Variants in SP7 observed in about 807,000 individuals in gnomAD.
SP7 encodes Sp7 transcription factor.
SP7 carries 13 observed loss-of-function variants against 27.9 expected under a neutral mutation model. The ratio of observed to expected loss-of-function variants is 0.47; its 90% confidence interval spans 0.30 to 0.74. The LOEUF (loss-of-function observed/expected upper bound fraction) is 0.74, where lower values mean the gene tolerates loss of function less well. Ranked by LOEUF, SP7 falls within the 30% of genes least tolerant of loss-of-function variation. The pLI is 0.06. For missense variants in SP7, 525 were observed against 558.0 expected (o/e 0.94, Z 0.60); for synonymous variants, 219 against 226.7 (o/e 0.97, Z 0.31).
intron 1 of SP7, among the ~76,000 whole-genome samples, chr12:53,341,418 G>A (rs932912406): frequency 6.6e-6 from 1 of 152,224 alleles, no homozygotes; most frequent in African/African-American, 2.4e-5. Flanking sequence ...ACTGGGGTCT[G>A]ATTCTGAAAC....
upstream of SP7, among the ~76,000 whole-genome samples, chr12:53,339,071 A>T (rs1284036969): frequency 2.6e-5 from 4 of 152,060 alleles, no homozygotes; most frequent in South Asian, 4.1e-4. Flanking sequence ...GAGAGGCGCC[A>T]TGTGGCAGGG....
intron 1 of SP7, 199 bp from the exon 2 acceptor site, chr12:53,335,892 G>C (rs1029862008): frequency 7.9e-7 from 1 of 1,265,694 alleles, no homozygotes; most frequent in Non-Finnish European, 1.0e-6. Flanking sequence ...GGGAGGCAGA[G>C]GGTCCAAATT....
At chr12:53,340,856 A>G (rs1944816496), upstream of SP7, among the ~76,000 whole-genome samples, 1 of 152,202 alleles carries the variant, frequency 6.6e-6, no homozygotes, top group African/African-American at 2.4e-5. Context: ...AGGATCAGCT[A>G]CTAGTCTGTT....
chr12:53,339,479 G>A (rs1014680962), upstream of SP7, among the ~76,000 whole-genome samples: 15 of 150,286 alleles, frequency 1.0e-4, no homozygotes, highest in African/African-American at 3.2e-4. Context: ...TAATCCCAGC[G>A]CTTTGGGAGG....
Position 53,330,315 on chromosome 12 carries a change from A to G in SP7, c.22-895T>C, listed in dbSNP as rs140444532. ...AAAACTCCTGACCTCAACCTCCCAA[A>G]GTGTTGAGATTACAGGTGTGAGCCA... On this transcript the variant is annotated intron_variant, in intron 2 of 2. Transcript: ENST00000536324. Among the ~76,000 whole-genome samples the G allele has an allele frequency of 3.3e-3, 507 of 152,260 alleles. 7 individuals are homozygous for G. The highest frequency in any genetic ancestry group is 0.02 in the Admixed American group (305 of 15,288).
Position 53,328,366 on chromosome 12 carries a change from C to A in SP7, c.1076G>T (p.Cys359Phe). The A allele has an allele frequency of 3.7e-6, 6 of 1,613,292 alleles. No individual in the cohort carries two copies. The highest frequency in any genetic ancestry group is 5.1e-6 in the Non-Finnish European group (6 of 1,179,388). The change falls in exon 3 of 3, where the codon TGC (cysteine) becomes TTC (phenylalanine). Residue 359 changes from cysteine to phenylalanine, a missense_variant. Coordinates refer to ENST00000536324, the MANE Select transcript of SP7 (RefSeq NM_001173467.3). The surrounding 1 kb of genome is among the most constrained non-coding windows in gnomAD (Gnocchi z 5.1). Reference sequence around the variant, plus strand: ...GTCGCTTCGGGTAAAGCGCTTGGAGCAGAGCAGGCAGGTGAACTTCTTCTC... The same window carrying A: ...GTCGCTTCGGGTAAAGCGCTTGGAGAAGAGCAGGCAGGTGAACTTCTTCTC... The part of the protein sequence containing the change: ...TREKKFTCLL[C>F]SKRFTRSDHL...
At chr12:53,333,208 G>A (rs1018277470) in intron 2 of SP7, among the ~76,000 whole-genome samples, 2 of 152,174 alleles carry the variant, frequency 1.3e-5, no homozygotes, top group African/African-American at 4.8e-5. Context: ...TCTCTCCTGA[G>A]AACTTGGGGA....
rs978781196 is a variant in SP7 at position 53,328,987 on chromosome 12, C to G, written c.455G>C (p.Gly152Ala). The G allele has an allele frequency of 4.3e-6, 7 of 1,613,012 alleles. No individual in the cohort carries two copies. The Admixed American group carries it at 5.0e-5, about 12-fold the overall frequency. The change falls in exon 3 of 3, where the codon GGC becomes GCC. Residue 152 changes from glycine (G) to alanine (A), a missense_variant. Coordinates refer to ENST00000536324, the MANE Select transcript of SP7 (RefSeq NM_001173467.3). The surrounding 1 kb of genome is among the most constrained non-coding windows in gnomAD (Gnocchi z 5.1). The stretch of plus-strand genomic sequence containing the variant: ...ATCCCACCATGGAGTAGGAGTGTTG[C>G]CTGGGCCTGGTGAAATGCCTGCATG... ...GIHAGISPGP[G>A]NTPTPWWDMH...
Position 53,344,728 on chromosome 12 carries a change from G to T in SP7, c.-34+386C>A, listed in dbSNP as rs887815906. Among the ~76,000 whole-genome samples, 2 of 152,152 alleles carry T rather than the reference G, an allele frequency of 1.3e-5. No individual in the cohort carries two copies. The highest frequency in any genetic ancestry group is 4.8e-5 in the African/African-American group (2 of 41,446). On this transcript the variant is annotated intron_variant, in intron 1 of 1. Coordinates refer to the SP7 transcript ENST00000547755. This position sits in a 1 kb window ranked among gnomAD's most constrained non-coding sequence, Gnocchi z 4.6. ...ACAGGTCGTGAGCTCCGGGGCTGCTGGGAGGTCTCTTGCGGCCTAGGCCAG... is the reference window on the plus strand; with the variant it reads ...ACAGGTCGTGAGCTCCGGGGCTGCTTGGAGGTCTCTTGCGGCCTAGGCCAG...
Position 53,328,274 on chromosome 12 carries a change from C to T in SP7, c.1168G>A (p.Glu390Lys), listed in dbSNP as rs1185140332. ...CCCGTGCTGCGGCCCTCCCCCAGCT[C>T]CTTGGGGCCACTGGGAGGGGGACCC... Reference protein sequence around the residue: ...GPGPPPSGPKELGEGRSTGEE... With the variant: ...GPGPPPSGPKKLGEGRSTGEE... Residue 390 changes from glutamate to lysine, a missense_variant, in exon 3 of 3, where the codon GAG becomes AAG. Coordinates refer to ENST00000536324, the MANE Select transcript of SP7 (RefSeq NM_001173467.3). This position sits in a 1 kb window ranked among gnomAD's most constrained non-coding sequence, Gnocchi z 5.1. 1.2e-6 allele frequency: 2 copies of T among 1,611,466 alleles called. No homozygotes were observed. The highest frequency in any genetic ancestry group is 1.1e-5 in the South Asian group (1 of 90,718).
chr12:53,344,300 T>C lies in SP7; in HGVS notation c.-34+814A>G, dbSNP rs959060264. Among the ~76,000 whole-genome samples, 1 of 152,078 alleles carries C rather than the reference T, an allele frequency of 6.6e-6. No individual in the cohort carries two copies. Among genetic ancestry groups the C allele is most frequent in the African/African-American group, 2.4e-5 (1 of 41,400 alleles). ...AGGGCCAGGGCAGTATCTGAGGACC[T>C]GGCCCTCAGTCTCCCAGAAGAACCC... is the stretch of plus-strand genomic sequence containing the variant. On this transcript the variant is annotated intron_variant, in intron 1 of 1. Coordinates refer to the SP7 transcript ENST00000547755. The surrounding 1 kb of genome is among the most constrained non-coding windows in gnomAD (Gnocchi z 4.6).
In SP7 at chr12:53,327,469, C is replaced by T. The variant is rs1371164920; in HGVS notation, c.*677G>A. On this transcript the variant is annotated 3_prime_UTR_variant, in exon 3 of 3. Coordinates refer to ENST00000536324, the MANE Select transcript of SP7 (RefSeq NM_001173467.3). ...CACTCTACCTGACCCGTCATCATAA[C>T]TTACATAAATAGAATTATTACTATT... 2 of 152,768 alleles carry T rather than the reference C, an allele frequency of 1.3e-5. No individual in the cohort carries two copies. The highest frequency in any genetic ancestry group is 1.3e-4 in the Admixed American group (2 of 15,314). The allele number at this position is 152,768 out of a possible 1,614,324, so 9.5% of individuals were successfully genotyped here.
upstream of SP7, among the ~76,000 whole-genome samples, chr12:53,338,528 A>G (rs1316882465): frequency 1.3e-5 from 2 of 152,106 alleles, no homozygotes; most frequent in African/African-American, 4.8e-5. Context: ...GAAGGGGAAA[A>G]GGAGGAAGGA....
At chr12:53,329,513 A>G in intron 2 of SP7, 93 bp from the exon 3 acceptor site, 1 of 1,081,452 alleles carries the variant, frequency 9.2e-7, no homozygotes, top group African/African-American at 1.6e-5. Flanking sequence ...AGACATCCAC[A>G]ACAGAACAGA....
chr12:53,338,106 C>CAGAGGA (rs767126357), upstream of SP7, among the ~76,000 whole-genome samples: 18 of 136,290 alleles, frequency 1.3e-4, no homozygotes, highest in South Asian at 2.4e-4. Context: ...TAGCCAGGTC[C>CAGAGGA]GGAGGAGGAG....
upstream of SP7, among the ~76,000 whole-genome samples, chr12:53,338,789 A>G (rs1592537486): frequency 6.6e-6 from 1 of 152,178 alleles, no homozygotes; most frequent in South Asian, 2.1e-4. Context: ...CCTCTTCCCC[A>G]CCAGAGATCA....
chr12:53,329,172 A>T lies in SP7; in HGVS notation c.270T>A (p.Asn90Lys). The T allele has an allele frequency of 4.3e-6, 7 of 1,613,860 alleles. No homozygotes were observed. Among genetic ancestry groups the T allele is most frequent in the Non-Finnish European group, 5.9e-6 (7 of 1,179,872 alleles). ...SPPAPTSGYANDYPPFSHSFP... is the reference protein window; with the variant it reads ...SPPAPTSGYAKDYPPFSHSFP... ...ATGAGTGGGAAAAGGGAGGGTAATCATTAGCATAGCCTGAGGTGGGTGCTG... is the reference window on the plus strand; with the variant it reads ...ATGAGTGGGAAAAGGGAGGGTAATCTTTAGCATAGCCTGAGGTGGGTGCTG... Residue 90 changes from asparagine to lysine, a missense_variant, in exon 3 of 3, where the codon AAT (asparagine) becomes AAA (lysine). Transcript: ENST00000536324.
rs551375746 is a variant in SP7, at chr12:53,342,413, C to T, written c.-34+2701G>A. On this transcript the variant is annotated intron_variant, in intron 1 of 1. Coordinates refer to the SP7 transcript ENST00000547755. ...CAGAAAGCACCTACTTTGTGCTAAG[C>T]ACACTGGGCTAGACTTAGGCATGCA... Among the ~76,000 whole-genome samples the T allele has an allele frequency of 2.6e-5, 4 of 152,324 alleles. No individual in the cohort carries two copies. The South Asian group carries it at 8.3e-4, about 32-fold the overall frequency.
chr12:53,334,375 C>G (rs908546936), intron 2 of SP7, among the ~76,000 whole-genome samples: 1 of 148,690 alleles, frequency 6.7e-6, no homozygotes, highest in Middle Eastern at 3.2e-3. Context: ...CACACACACA[C>G]TCTCAGGGCC....
Sources: gnomAD v4.1 joint callset for allele counts (sites outside exome capture counted in the v4.1 genomes callset) on GRCh38, gnomAD v4.1.1 for gene constraint, Gnocchi (gnomAD v3.1) non-coding constraint, MANE v1.5 for transcripts, NCBI Gene and HGNC (gene_info 2026-07-23, HGNC 2026-07-21) for gene names.